ARB2A: variants seen among roughly 807,000 people sequenced by gnomAD.
The protein encoded by ARB2A is ARB2 cotranscriptional regulator A.
the ARB2A span, among the ~76,000 whole-genome samples, chr5:93,764,608 C>A: frequency 2.1e-4 from 32 of 152,172 alleles, no homozygotes; most frequent in African/African-American, 7.0e-4. Context: ...CCGAACTCTA[C>A]AAGAGGTACA....
chr5:93,803,550 T>C, the ARB2A span, among the ~76,000 whole-genome samples: 1 of 150,718 alleles, frequency 6.6e-6, no homozygotes, highest in African/African-American at 2.4e-5. Context: ...CTGGGGCCTA[T>C]TGGAGGGTGG....
the ARB2A span, among the ~76,000 whole-genome samples, chr5:94,034,775 G>A: frequency 6.6e-6 from 1 of 152,186 alleles, no homozygotes. Context: ...CCAGGCCACA[G>A]ACCAGTGCTG....
At chr5:93,848,811 G>A in the ARB2A span, among the ~76,000 whole-genome samples, 9 of 152,126 alleles carry the variant, frequency 5.9e-5, no homozygotes, top group South Asian at 2.1e-4. Context: ...CCTTGCTGGC[G>A]TCTAACATAC....
chr5:94,059,514 G>A, the ARB2A span, among the ~76,000 whole-genome samples: 1 of 151,450 alleles, frequency 6.6e-6, no homozygotes, highest in Non-Finnish European at 1.5e-5. Flanking sequence ...CCAGGTACTT[G>A]GGAGGCCGAG....
the ARB2A span, among the ~76,000 whole-genome samples, chr5:93,763,450 A>C: frequency 1.3e-5 from 2 of 152,364 alleles, no homozygotes; most frequent in Non-Finnish European, 2.9e-5. Context: ...GAGACAAAGA[A>C]GGCCATTACA....
the ARB2A span, among the ~76,000 whole-genome samples, chr5:94,004,744 G>A: frequency 6.6e-5 from 10 of 151,366 alleles, no homozygotes; most frequent in Non-Finnish European, 1.3e-4. Context: ...GAAATATATA[G>A]GTTCCTACAA....
At chr5:93,978,096 T>C in the ARB2A span, among the ~76,000 whole-genome samples, 6 of 152,142 alleles carry the variant, frequency 3.9e-5, no homozygotes, top group South Asian at 2.1e-4. Flanking sequence ...ATGGCTGTTA[T>C]TCAAAAGTTA....
chr5:93,811,042 T>C, the ARB2A span, among the ~76,000 whole-genome samples: 1 of 152,134 alleles, frequency 6.6e-6, no homozygotes, highest in Admixed American at 6.6e-5. Context: ...GGTGCTATTC[T>C]ACATAGCTAT....
At chr5:94,070,211 T>A in the ARB2A span, among the ~76,000 whole-genome samples, 498 of 152,250 alleles carry the variant, frequency 3.3e-3, 6 homozygotes, top group African/African-American at 0.011. Context: ...GTTACTGTGT[T>A]AAGTGAAATA....
the ARB2A span, among the ~76,000 whole-genome samples, chr5:93,754,280 T>C: frequency 1.6e-4 from 25 of 152,324 alleles, no homozygotes; most frequent in South Asian, 5.0e-3. Context: ...ACATCCTATA[T>C]ACTTTTCTTA....
At chr5:93,688,220 T>C in the ARB2A span, among the ~76,000 whole-genome samples, 1 of 152,196 alleles carries the variant, frequency 6.6e-6, no homozygotes, top group Non-Finnish European at 1.5e-5. Context: ...GTGATCCACC[T>C]GCCTCGGCCT....
chr5:94,064,282 T>C, the ARB2A span, among the ~76,000 whole-genome samples: 88 of 152,214 alleles, frequency 5.8e-4, no homozygotes, highest in African/African-American at 2.1e-3. Context: ...AGACAGGTCT[T>C]TTGAAATAGC....
the ARB2A span, among the ~76,000 whole-genome samples, chr5:93,645,195 A>G: frequency 1.3e-5 from 2 of 152,226 alleles, no homozygotes; most frequent in African/African-American, 4.8e-5. Flanking sequence ...CTTTCCTGAC[A>G]TGAAAAAACA....
the ARB2A span, among the ~76,000 whole-genome samples, chr5:93,837,611 A>T: frequency 1.3e-4 from 20 of 152,104 alleles, no homozygotes; most frequent in South Asian, 3.9e-3. Context: ...GGCTGAACTA[A>T]TTTGCACTCC....
the ARB2A span, among the ~76,000 whole-genome samples, chr5:93,720,303 C>T: frequency 6.6e-6 from 1 of 152,196 alleles, no homozygotes; most frequent in Non-Finnish European, 1.5e-5. Flanking sequence ...TACAATGCAG[C>T]CCATTCCATT....
At chr5:93,859,039 T>C in the ARB2A span, among the ~76,000 whole-genome samples, 2 of 152,098 alleles carry the variant, frequency 1.3e-5, no homozygotes, top group Non-Finnish European at 2.9e-5. Flanking sequence ...AGAATAGCAC[T>C]GGCACATGTA....
chr5:93,840,574 A>G, the ARB2A span, among the ~76,000 whole-genome samples: 2 of 152,096 alleles, frequency 1.3e-5, no homozygotes, highest in Non-Finnish European at 2.9e-5. Context: ...TATGTATCCA[A>G]TTTAACTTAT....
the ARB2A span, among the ~76,000 whole-genome samples, chr5:93,928,603 C>T: frequency 1.3e-5 from 2 of 152,042 alleles, no homozygotes; most frequent in African/African-American, 2.4e-5. Flanking sequence ...TCATAACAGA[C>T]TTATTTTTAA....
chr5:93,704,222 A>G, the ARB2A span, among the ~76,000 whole-genome samples: 4 of 152,166 alleles, frequency 2.6e-5, no homozygotes, highest in Admixed American at 6.5e-5. Context: ...AGATGATGGG[A>G]AAGGCCAGTA....
Sources: allele counts gnomAD v4.1 joint callset (sites outside exome capture counted in the v4.1 genomes callset), GRCh38; gene constraint gnomAD v4.1.1; transcripts MANE v1.5; gene names NCBI Gene and HGNC (gene_info 2026-07-23, HGNC 2026-07-21).